EDC3: variants seen among roughly 807,000 people sequenced by gnomAD.
EDC3 encodes enhancer of mRNA decapping 3.
Under a neutral mutation model 41.8 loss-of-function variants are expected in EDC3, and 20 were observed. The ratio of observed to expected loss-of-function variants is 0.48; its 90% CI spans 0.34 to 0.70. The LOEUF (loss-of-function observed/expected upper bound fraction) is 0.70. EDC3 is among the 30% of genes least tolerant of loss of function. EDC3 has a pLI of 0.01. For missense variants in EDC3, 444 were observed against 636.8 expected (o/e 0.70, Z 3.26); for synonymous variants, 206 against 243.2 (o/e 0.85, Z 1.42).
intron 3 of EDC3, among the ~76,000 whole-genome samples, chr15:74,668,377 G>A (rs1170204807): frequency 6.6e-6 from 1 of 151,986 alleles, no homozygotes; most frequent in South Asian, 2.1e-4. Context: ...CCATACAAAT[G>A]TAAGACGTTA....
At chr15:74,661,007 T>G (rs893253558) in intron 3 of EDC3, among the ~76,000 whole-genome samples, 1 of 152,216 alleles carries the variant, frequency 6.6e-6, no homozygotes, top group African/African-American at 2.4e-5. Context: ...TTTACCATTT[T>G]AACCATTTTT....
At chr15:74,674,859 AC>A in intron 2 of EDC3, 101 bp downstream of exon 2, 1 of 1,361,620 alleles carries the variant, frequency 7.3e-7, no homozygotes. Flanking sequence ...TACTAAAAAT[AC>A]AAAAAGCGGC....
At chr15:74,669,862 T>C (rs1325988472) in intron 3 of EDC3, among the ~76,000 whole-genome samples, 1 of 152,154 alleles carries the variant, frequency 6.6e-6, no homozygotes, top group Non-Finnish European at 1.5e-5. Flanking sequence ...GTTGTTCATT[T>C]TGAGACAGTC....
intron 1 of EDC3, among the ~76,000 whole-genome samples, chr15:74,690,316 G>C (rs2062992074): frequency 6.6e-6 from 1 of 152,210 alleles, no homozygotes; most frequent in African/African-American, 2.4e-5. Context: ...GATAAGTAAT[G>C]GGACTTTATC....
rs1447954877 is a variant in EDC3, at chr15:74,695,974, CCCCACAGCATCGGCCTTCA to C, written c.-132_-114del. 6.5e-6 allele frequency: 1 copy of C among 152,714 alleles called. No homozygotes were observed. The highest frequency in any genetic ancestry group is 1.5e-5 in the Non-Finnish European group (1 of 68,400). The allele number at this position is 152,714 out of a possible 1,614,324, so 9.5% of individuals were successfully genotyped here. ...ACAGAAGAATTCTCTCCACGCCCAC[CCCCACAGCATCGGCCTTCA>C]CCACCGCCGCCGCTGCCGGAAGCGC... is the stretch of plus-strand genomic sequence containing the variant. On this transcript the variant is annotated 5_prime_UTR_variant, in exon 1 of 7. The change abolishes an upstream ATG in the 5' untranslated region. Transcript: ENST00000315127.
intron 4 of EDC3, 136 bp from the exon 5 acceptor site, chr15:74,640,755 G>A (rs530642893): frequency 5.6e-6 from 6 of 1,077,666 alleles, no homozygotes; most frequent in Admixed American, 4.9e-5. Context: ...TCATCTTCCG[G>A]GACTAAGGCA....
At chr15:74,677,004 C>T (rs1286661416) in intron 1 of EDC3, 2 of 152,190 alleles carry the variant, frequency 1.3e-5, no homozygotes, top group East Asian at 3.9e-4. Flanking sequence ...TGTGGAGCAA[C>T]AAAAACCGTC....
At chr15:74,683,496 G>A (rs575970350) in intron 1 of EDC3, among the ~76,000 whole-genome samples, 87 of 152,284 alleles carry the variant, frequency 5.7e-4, no homozygotes, top group Non-Finnish European at 1.1e-3. Context: ...GGTCAAGGTC[G>A]TGACAGTGTA....
At chr15:74,655,445 T>G (rs1050530183) in intron 4 of EDC3, among the ~76,000 whole-genome samples, 3 of 152,146 alleles carry the variant, frequency 2.0e-5, no homozygotes, top group Admixed American at 2.0e-4. Flanking sequence ...TGAATCTACA[T>G]AGCAGGCCCT....
intron 3 of EDC3, among the ~76,000 whole-genome samples, chr15:74,657,333 G>A (rs917623991): frequency 6.6e-6 from 1 of 152,216 alleles, no homozygotes; most frequent in African/African-American, 2.4e-5. Context: ...TCCTGCACCG[G>A]CTCACATGTG....
intron 4 of EDC3, chr15:74,645,500 G>C (rs1231457253): frequency 2.1e-5 from 3 of 141,302 alleles, no homozygotes; most frequent in African/African-American, 7.8e-5. Context: ...AGGGTATATG[G>C]TTGTTCATTA....
chr15:74,686,277 A>G (rs1412081158), intron 1 of EDC3, among the ~76,000 whole-genome samples: 1 of 152,070 alleles, frequency 6.6e-6, no homozygotes, highest in Non-Finnish European at 1.5e-5. Flanking sequence ...GTGGGCTGAG[A>G]TCGTGCCATT....
chr15:74,633,386 ACTG>A (rs2062235808), intron 6 of EDC3, among the ~76,000 whole-genome samples: 1 of 152,232 alleles, frequency 6.6e-6, no homozygotes, highest in South Asian at 2.1e-4. Flanking sequence ...ACAGGAGCTG[ACTG>A]CTATCTGCTG....
At chr15:74,645,387 T>C (rs1165405029) in intron 4 of EDC3, 1 of 152,108 alleles carries the variant, frequency 6.6e-6, no homozygotes, top group Non-Finnish European at 1.5e-5. Context: ...AATCTAATGA[T>C]GAGTACAACT....
At chr15:74,693,913 G>A (rs1445976039) in intron 1 of EDC3, among the ~76,000 whole-genome samples, 2 of 151,960 alleles carry the variant, frequency 1.3e-5, no homozygotes, top group African/African-American at 4.8e-5. Flanking sequence ...GAACCAGGAG[G>A]CAGAGGTTAC....
intron 1 of EDC3, among the ~76,000 whole-genome samples, chr15:74,682,177 C>G (rs1342433835): frequency 6.6e-6 from 1 of 152,090 alleles, no homozygotes; most frequent in Non-Finnish European, 1.5e-5. Flanking sequence ...CAATAATTAG[C>G]CAAGTGTGGT....
intron 1 of EDC3, among the ~76,000 whole-genome samples, chr15:74,693,693 A>G (rs1238452307): frequency 1.3e-5 from 2 of 152,092 alleles, no homozygotes; most frequent in Non-Finnish European, 2.9e-5. Context: ...TTATAGTAAG[A>G]CTCAGTAAGA....
intron 3 of EDC3, among the ~76,000 whole-genome samples, chr15:74,667,499 AAGC>A (rs1447033856): frequency 5.3e-5 from 1 of 18,752 alleles, no homozygotes; most frequent in Admixed American, 6.6e-4. Context: ...GGAGGAGGAG[AAGC>A]AGCAGCAGCA....
chr15:74,632,540 G>T lies in EDC3; in HGVS notation c.*72C>A, dbSNP rs1428720656. ...AAAAAACTTTAACAAGGTCCATGAA[G>T]CTTCATATCCTTAAGGCGTTTGTTA... On this transcript the variant is annotated 3_prime_UTR_variant, in exon 7 of 7. Transcript: ENST00000315127. This position sits in a 1 kb window ranked among gnomAD's most constrained non-coding sequence, Gnocchi z 4.0. The T allele has an allele frequency of 4.6e-6, 7 of 1,523,142 alleles. No individual in the cohort carries two copies. The highest frequency in any genetic ancestry group is 1.4e-5 in the African/African-American group (1 of 72,542). 94.4% of individuals were successfully genotyped at this position (1,523,142 alleles called of 1,614,324 possible).
Sources: gnomAD v4.1 joint callset for allele counts (sites outside exome capture counted in the v4.1 genomes callset) on GRCh38, gnomAD v4.1.1 for gene constraint, Gnocchi (gnomAD v3.1) non-coding constraint, MANE v1.5 for transcripts, NCBI Gene and HGNC (gene_info 2026-07-23, HGNC 2026-07-21) for gene names.